The following SETD5 variants were observed in gnomAD, a reference collection of about 807,000 sequenced individuals.
SETD5 encodes the protein SET domain containing 5.
SETD5 carries 44 observed loss-of-function variants against 153.3 expected under a neutral mutation model. The ratio of observed to expected loss-of-function variants is 0.29; its 90% CI spans 0.23 to 0.37. SETD5 has a LOEUF of 0.37. SETD5 is among the 10% of genes least tolerant of loss of function. The probability of loss-of-function intolerance (pLI) is 1.00; values close to 1 mark genes in which losing one functional copy is unlikely to be tolerated. For missense variants in SETD5, 1,544 were observed against 1,768.0 expected (o/e 0.87, Z 2.27); for synonymous variants, 716 against 645.2 (o/e 1.11, Z -1.66).
At chr3:9,440,408 C>CT (rs756165524) in intron 7 of SETD5, 48 bp from the exon 8 acceptor site, 1 of 1,020,828 alleles carries the variant, frequency 9.8e-7, no homozygotes, top group Non-Finnish European at 1.5e-6. Flanking sequence ...TCCCAACCCT[C>CT]TATTTATGCA....
At chr3:9,419,161 A>G (rs2038004680) in intron 1 of SETD5, among the ~76,000 whole-genome samples, 1 of 152,210 alleles carries the variant, frequency 6.6e-6, no homozygotes, top group Non-Finnish European at 1.5e-5. Context: ...TCATGGTTGT[A>G]TAAATGCAGT....
At chr3:9,460,484 T>G (rs1043358571) in intron 17 of SETD5, among the ~76,000 whole-genome samples, 1 of 151,896 alleles carries the variant, frequency 6.6e-6, no homozygotes, top group Non-Finnish European at 1.5e-5. Flanking sequence ...ACTTCTATAG[T>G]TCATTGCTAG....
At chr3:9,457,776 T>G (rs2043441203) in intron 17 of SETD5, among the ~76,000 whole-genome samples, 1 of 149,922 alleles carries the variant, frequency 6.7e-6, no homozygotes, top group African/African-American at 2.4e-5. Context: ...ACGTGAGCCT[T>G]TGATAAATTT....
At chr3:9,398,411 A>G (rs2034101014) in intron 1 of SETD5, 1 of 150,776 alleles carries the variant, frequency 6.6e-6, no homozygotes, top group South Asian at 2.1e-4. Context: ...CTTGTGACAG[A>G]CAACTCTGAT....
Position 9,464,593 on chromosome 3 carries a change from G to T in SETD5, c.2645G>T (p.Arg882Leu), listed in dbSNP as rs200142019. ...GSSHPGEEEC[R>L]NGYSLMFSPV... ...TCTCACCCAGGAGAAGAGGAGTGTC[G>T]AAATGGATACAGCCTCATGTTTTCA... Residue 882 changes from arginine to leucine, a missense_variant, in exon 18 of 23, where the codon CGA becomes CTA. Around this residue, in one of 9 missense-constraint regions of SETD5, gnomAD observed 782 missense variants for 787.2 expected, o/e 0.99. Coordinates refer to ENST00000402198, the MANE Select transcript of SETD5 (RefSeq NM_001080517.3). The T allele has an allele frequency of 2.5e-6, 4 of 1,613,940 alleles. No homozygotes were observed. Among genetic ancestry groups the T allele is most frequent in the Non-Finnish European group, 3.4e-6 (4 of 1,179,878 alleles).
intron 17 of SETD5, among the ~76,000 whole-genome samples, chr3:9,459,849 G>C (rs1359641769): frequency 6.6e-6 from 1 of 151,972 alleles, no homozygotes; most frequent in Non-Finnish European, 1.5e-5. Flanking sequence ...GGGAGGAGAA[G>C]TCATAACACA....
chr3:9,429,397 A>G (rs980636627), intron 3 of SETD5: 16 of 174,302 alleles, frequency 9.2e-5, no homozygotes, highest in Non-Finnish European at 1.4e-4. Context: ...TCCTCTTCCT[A>G]TGTACTTCCC....
intron 1 of SETD5, among the ~76,000 whole-genome samples, chr3:9,409,725 T>C (rs2036258347): frequency 6.6e-6 from 1 of 152,236 alleles, no homozygotes; most frequent in African/African-American, 2.4e-5. Flanking sequence ...TTCTAGATTT[T>C]TCAATGAACA....
intron 16 of SETD5, among the ~76,000 whole-genome samples, chr3:9,453,480 T>C (rs902092491): frequency 6.6e-6 from 1 of 152,234 alleles, no homozygotes; most frequent in Admixed American, 6.5e-5. Flanking sequence ...AAAAGTTGAA[T>C]AGCAGTCATT....
rs1279625488 is a variant in SETD5, at chr3:9,475,907, T to G, written c.4145T>G (p.Leu1382Trp). 8.7e-6 allele frequency: 14 copies of G among 1,613,888 alleles called. No individual in the cohort carries two copies. The highest frequency in any genetic ancestry group is 6.8e-6 in the Non-Finnish European group (8 of 1,179,896). ...TSFPQNSRSS[L>W]PSDLRTISLP... ...TTTCCTCAGAACTCTAGGTCGTCAT[T>G]GCCATCAGACTTACGGACTATCAGT... The change falls in exon 23 of 23, where the codon TTG (leucine) becomes TGG (tryptophan). Residue 1382 changes from leucine to tryptophan, a missense_variant. This residue lies in a region of SETD5 where 302 missense variants were observed against 277.6 expected (regional missense o/e 1.09). Transcript: ENST00000402198.
At chr3:9,426,855 A>G (rs1210982341) in intron 2 of SETD5, among the ~76,000 whole-genome samples, 2 of 152,076 alleles carry the variant, frequency 1.3e-5, no homozygotes, top group Non-Finnish European at 2.9e-5. Context: ...TTCCCAGCCC[A>G]GCTATATGTC....
rs775828748 is a variant in SETD5 at position 9,464,555 on chromosome 3, C to T, written c.2607C>T (p.Ala869=). The T allele has an allele frequency of 6.2e-7, 1 of 1,613,954 alleles. No individual in the cohort carries two copies. Among genetic ancestry groups the T allele is most frequent in the Non-Finnish European group, 8.5e-7 (1 of 1,179,882 alleles). ...CAGGCTCAAAGAGTCCCCAGCTGGC[C>T]ACACCTGGCTCATCTCACCCAGGAG... The part of the protein sequence containing the change: ...PNSGSKSPQL[A]TPGSSHPGEE... Residue 869 remains alanine, a synonymous_variant, in exon 18 of 23, where the codon GCC becomes GCT. Transcript: ENST00000402198.
chr3:9,461,455 T>C (rs2043947962), intron 17 of SETD5, among the ~76,000 whole-genome samples: 1 of 152,168 alleles, frequency 6.6e-6, no homozygotes, highest in Non-Finnish European at 1.5e-5. Context: ...TATTTGTGGA[T>C]ATGATTTTCA....
At chr3:9,452,384 C>T (rs1213794936) in intron 16 of SETD5, among the ~76,000 whole-genome samples, 1 of 152,168 alleles carries the variant, frequency 6.6e-6, no homozygotes, top group Non-Finnish European at 1.5e-5. Flanking sequence ...CTTCTAAGTT[C>T]TCTTCTAAGC....
Position 9,443,433 on chromosome 3 carries a change from C to T in SETD5, c.1187+16C>T. 3 of 1,298,260 alleles carry T rather than the reference C, an allele frequency of 2.3e-6. No individual in the cohort carries two copies. Among genetic ancestry groups the T allele is most frequent in the Non-Finnish European group, 3.0e-6 (3 of 995,900 alleles). 80.4% of individuals were successfully genotyped at this position (1,298,260 alleles called of 1,614,324 possible). ...ATAGTAACTGGTAAGACCTCAGAAA[C>T]CTTTCCTAACAGGAATATCCATGTC... is the stretch of plus-strand genomic sequence containing the variant. On this transcript the variant is annotated intron_variant, in intron 11 of 22. Transcript: ENST00000402198.
At chr3:9,468,848 G>A (rs1464806404) in intron 18 of SETD5, among the ~76,000 whole-genome samples, 1 of 151,952 alleles carries the variant, frequency 6.6e-6, no homozygotes, top group South Asian at 2.1e-4. Context: ...TTTGCCGTTT[G>A]GGGGAGGGGG....
rs1218918142 is a variant in SETD5, at chr3:9,447,755, C to A, written c.1852C>A (p.Arg618=). The change falls in exon 15 of 23, where the codon CGA becomes AGA. Residue 618 remains arginine, a synonymous_variant. Coordinates refer to ENST00000402198, the MANE Select transcript of SETD5 (RefSeq NM_001080517.3). Reference sequence around the variant, plus strand: ...GCCTTCTAGGCCCCGGCCGAAGAGTCGAATTTCTCGGTACAGGACCAGTTC... The same window carrying A: ...GCCTTCTAGGCCCCGGCCGAAGAGTAGAATTTCTCGGTACAGGACCAGTTC... ...AKPSRPRPKS[R]ISRYRTSSAQ... is the part of the protein sequence containing the mutation. The A allele has an allele frequency of 3.1e-6, 5 of 1,613,794 alleles. No homozygotes were observed. Among genetic ancestry groups the A allele is most frequent in the South Asian group, 1.1e-5 (1 of 91,050 alleles).
At chr3:9,420,422 G>T (rs915859188) in intron 1 of SETD5, among the ~76,000 whole-genome samples, 3 of 151,840 alleles carry the variant, frequency 2.0e-5, no homozygotes, top group Non-Finnish European at 4.4e-5. Flanking sequence ...TCTTTTAATG[G>T]CCTTTTATTC....
chr3:9,466,287 C>CAAA (rs146498301), intron 18 of SETD5, among the ~76,000 whole-genome samples: 64 of 63,214 alleles, frequency 1.0e-3, no homozygotes, highest in African/African-American at 2.1e-3. Context: ...GACTCCGTCT[C>CAAA]AAAAAAAAAA....
Sources: allele counts gnomAD v4.1 joint callset (sites outside exome capture counted in the v4.1 genomes callset), GRCh38; gene constraint gnomAD v4.1.1; regional missense constraint gnomAD v4.1.1; transcripts MANE v1.5; gene names NCBI Gene and HGNC (gene_info 2026-07-23, HGNC 2026-07-21).